CFAP61: variants seen among roughly 807,000 people sequenced by gnomAD.
CFAP61 encodes cilia- and flagella-associated protein 61.
CFAP61 carries 107 observed loss-of-function variants against 135.6 expected under a neutral mutation model. The ratio of observed to expected loss-of-function variants is 0.79; its 90% CI spans 0.67 to 0.93. CFAP61 has a LOEUF of 0.93. Ranked by LOEUF, CFAP61 falls within the 40% of genes least tolerant of loss-of-function variation. The probability of loss-of-function intolerance (pLI) is 0.00; values close to 1 mark genes in which losing one functional copy is unlikely to be tolerated. For missense variants in CFAP61, 1,507 were observed against 1,556.2 expected (o/e 0.97, Z 0.53); for synonymous variants, 575 against 578.5 (o/e 0.99, Z 0.09).
intron 1 of CFAP61, among the ~76,000 whole-genome samples, chr20:20,054,412 T>TACACACACACAC (rs759860912): frequency 3.3e-5 from 5 of 151,468 alleles, no homozygotes; most frequent in African/African-American, 9.8e-5. Context: ...TATATATATA[T>TACACACACACAC]ATACACACAC....
At chr20:20,277,092 G>A in intron 21 of CFAP61, 74 bp from the exon 22 acceptor site, 1 of 1,186,116 alleles carries the variant, frequency 8.4e-7, no homozygotes, top group Non-Finnish European at 1.2e-6. Flanking sequence ...GGAGCAATTC[G>A]GCATTATTAG....
chr20:20,202,480 C>CA (rs2056671326), intron 17 of CFAP61, among the ~76,000 whole-genome samples: 1 of 152,084 alleles, frequency 6.6e-6, no homozygotes, highest in South Asian at 2.1e-4. Flanking sequence ...CCATAATCCC[C>CA]ATGGAATGGG....
In CFAP61 at chr20:20,290,344, C is replaced by T. The variant is rs748382784; in HGVS notation, c.3169C>T (p.Pro1057Ser). 3 of 1,613,470 alleles carry T rather than the reference C, an allele frequency of 1.9e-6. No individual in the cohort carries two copies. The highest frequency in any genetic ancestry group is 2.2e-5 in the South Asian group (2 of 91,068). Residue 1057 changes from proline (P) to serine (S), a missense_variant, in exon 24 of 27, where the codon CCT becomes TCT. By Grantham distance (74) the Pro-to-Ser change is moderately conservative. Coordinates refer to ENST00000245957, the MANE Select transcript of CFAP61 (RefSeq NM_015585.4). ...TTACCATTATCTGCATATTGCCAAG[C>T]CTGCCATTCCAACTCCCTTGGAGGT... is the stretch of plus-strand genomic sequence containing the variant. ...GSYHYLHIAK[P>S]AIPTPLEVQM...
At chr20:20,234,441 G>A (rs1049154295) in intron 18 of CFAP61, among the ~76,000 whole-genome samples, 1 of 152,190 alleles carries the variant, frequency 6.6e-6, no homozygotes, top group Non-Finnish European at 1.5e-5. Context: ...GACGATGATG[G>A]AGAAGAAGCA....
At chr20:20,187,595 T>G (rs543855770) in intron 13 of CFAP61, among the ~76,000 whole-genome samples, 1 of 152,216 alleles carries the variant, frequency 6.6e-6, no homozygotes, top group South Asian at 2.1e-4. Context: ...ATGTGACTTC[T>G]TTGTAACATA....
Position 20,188,011 on chromosome 20 carries a change from C to T in CFAP61, c.1467C>T (p.Ser489=). The T allele has an allele frequency of 6.2e-7, 1 of 1,614,070 alleles. No homozygotes were observed. Among genetic ancestry groups the T allele is most frequent in the Admixed American group, 1.7e-5 (1 of 60,024 alleles). Residue 489 remains serine (S), a synonymous_variant, in exon 14 of 27, where the codon AGC becomes AGT. Transcript: ENST00000245957. Reference sequence around the variant, plus strand: ...TCAGCACCCTCATGTTGAATAAAAGCATATTGGAGGACTTAGACCGTTACA... The same window carrying T: ...TCAGCACCCTCATGTTGAATAAAAGTATATTGGAGGACTTAGACCGTTACA... The part of the protein sequence containing the change: ...NLVSTLMLNK[S]ILEDLDRYNK...
intron 26 of CFAP61, among the ~76,000 whole-genome samples, chr20:20,344,323 A>G (rs2058558837): frequency 6.6e-6 from 1 of 152,226 alleles, no homozygotes; most frequent in South Asian, 2.1e-4. Flanking sequence ...TGGAGGTGAC[A>G]GTGGAGAAGG....
intron 17 of CFAP61, chr20:20,200,676 T>C (rs2056569298): frequency 1.0e-6 from 1 of 985,012 alleles, no homozygotes; most frequent in South Asian, 4.7e-5. Flanking sequence ...ATTTGTCCTT[T>C]GTGAGACAGG....
chr20:20,129,653 C>T (rs2050357711), intron 8 of CFAP61, among the ~76,000 whole-genome samples: 1 of 148,528 alleles, frequency 6.7e-6, no homozygotes, highest in Admixed American at 6.7e-5. Flanking sequence ...TACCCCTATT[C>T]TTGCTCAACT....
chr20:20,054,343 G>A (rs1160829700), intron 1 of CFAP61, among the ~76,000 whole-genome samples: 3 of 151,628 alleles, frequency 2.0e-5, no homozygotes, highest in African/African-American at 2.4e-5. Context: ...ACTATGGGCC[G>A]TAGACTAAAT....
At chr20:20,332,406 G>A (rs980958318) in intron 25 of CFAP61, among the ~76,000 whole-genome samples, 5 of 152,154 alleles carry the variant, frequency 3.3e-5, no homozygotes, top group Admixed American at 6.5e-5. Flanking sequence ...CCTTAATTCC[G>A]GGGCCACTTT....
intron 1 of CFAP61, among the ~76,000 whole-genome samples, chr20:20,054,396 GAT>G (rs34409266): frequency 0.021 from 2,871 of 139,538 alleles, 77 homozygotes; most frequent in African/African-American, 0.067. Context: ...ATGAGCTAGG[GAT>G]ATATATATAT....
intron 8 of CFAP61, among the ~76,000 whole-genome samples, chr20:20,110,973 A>G (rs2048765199): frequency 6.6e-6 from 1 of 152,174 alleles, no homozygotes; most frequent in African/African-American, 2.4e-5. Context: ...ATTTGGAAAC[A>G]TTAATTACTG....
Position 20,360,567 on chromosome 20 carries a change from T to A in CFAP61, c.*157T>A, listed in dbSNP as rs1191782924. 10 of 642,830 alleles carry A rather than the reference T, an allele frequency of 1.6e-5. No individual in the cohort carries two copies. The highest frequency in any genetic ancestry group is 2.7e-5 in the Non-Finnish European group (10 of 374,010). 39.8% of individuals were successfully genotyped at this position (642,830 alleles called of 1,614,324 possible). A position where few individuals can be genotyped will look rare whatever the true frequency, so the allele number is the denominator to read the frequency against. ...TCCTTCCCTGACTTATGCCTGTAGT[T>A]TTCTATCATCCCAGTAGGTGGCACA... is the stretch of plus-strand genomic sequence containing the variant. On this transcript the variant is annotated 3_prime_UTR_variant, in exon 27 of 27. Transcript: ENST00000245957.
intron 13 of CFAP61, among the ~76,000 whole-genome samples, chr20:20,173,265 A>T (rs6046694): frequency 0.9 from 136,931 of 152,222 alleles, 62,410 homozygotes; most frequent in Middle Eastern, 0.99. Context: ...TATGTGGGTG[A>T]AAGTTTTCAG....
rs916865116 is a variant in CFAP61 at position 20,172,632 on chromosome 20, C to A, written c.1385+3172C>A. ...CACACCTGGCCAATAAACTTTTTTT[C>A]CAAAAAGTAGTTTTAGGTTTACAGC... On this transcript the variant is annotated intron_variant, in intron 13 of 26. Transcript: ENST00000245957. Among the ~76,000 whole-genome samples, 21 of 152,160 alleles carry A rather than the reference C, an allele frequency of 1.4e-4. 1 individual carries two copies. The highest frequency in any genetic ancestry group is 5.1e-4 in the African/African-American group (21 of 41,510).
intron 10 of CFAP61, 67 bp downstream of exon 10, chr20:20,159,511 A>G: frequency 7.3e-7 from 1 of 1,373,280 alleles, no homozygotes; most frequent in Non-Finnish European, 1.0e-6. Flanking sequence ...TTTCTACCTC[A>G]GAGGATTTGT....
chr20:20,080,269 G>T (rs1371336402), intron 6 of CFAP61, among the ~76,000 whole-genome samples: 3 of 152,030 alleles, frequency 2.0e-5, no homozygotes, highest in African/African-American at 7.2e-5. Flanking sequence ...ATGATCATAT[G>T]TTCTGTTAAT....
At chr20:20,103,961 T>G (rs907380167) in intron 8 of CFAP61, among the ~76,000 whole-genome samples, 5 of 152,218 alleles carry the variant, frequency 3.3e-5, no homozygotes, top group African/African-American at 1.2e-4. Flanking sequence ...CGTTGAGATC[T>G]GGGCAGCATG....
Sources: allele counts gnomAD v4.1 joint callset (sites outside exome capture counted in the v4.1 genomes callset), GRCh38; gene constraint gnomAD v4.1.1; transcripts MANE v1.5; gene names NCBI Gene and HGNC (gene_info 2026-07-23, HGNC 2026-07-21).